Variants in DNAH8 observed in about 807,000 individuals in gnomAD.
The protein encoded by DNAH8 is axonemal beta dynein heavy chain 8.
DNAH8 carries 382 observed loss-of-function variants against 562.1 expected under a neutral mutation model. The observed-to-expected ratio is 0.68, with a 90% CI of 0.63 to 0.74. DNAH8 has a LOEUF of 0.74. DNAH8 is among the 30% of genes least tolerant of loss of function. DNAH8 has a pLI of 0.00. For missense variants in DNAH8, 5,203 were observed against 5,620.4 expected (o/e 0.93, Z 2.37); for synonymous variants, 1,881 against 1,919.4 (o/e 0.98, Z 0.52).
chr6:38,935,584 A>T lies in DNAH8; in HGVS notation c.11458-8A>T, dbSNP rs766663860. The T allele has an allele frequency of 6.3e-7, 1 of 1,593,510 alleles. No individual in the cohort carries two copies. Among genetic ancestry groups the T allele is most frequent in the Admixed American group, 1.8e-5 (1 of 56,524 alleles). On this transcript the variant is annotated splice_polypyrimidine_tract_variant and splice_region_variant and intron_variant, in intron 76 of 92. Coordinates refer to ENST00000327475, the MANE Select transcript of DNAH8 (RefSeq NM_001206927.2). ...GTTCCAATGTTATTTTTTGTTTTTT[A>T]ATGACAGGAGTTAGAGGCTGAGAGG...
At chr6:38,995,070 T>C (rs1583531985) in intron 88 of DNAH8, among the ~76,000 whole-genome samples, 1 of 152,002 alleles carries the variant, frequency 6.6e-6, no homozygotes, top group Admixed American at 6.6e-5. Flanking sequence ...TTTTTTTTTT[T>C]TTCTGAGCTT....
chr6:38,844,211 A>G (rs935003671), intron 35 of DNAH8, among the ~76,000 whole-genome samples: 21 of 152,188 alleles, frequency 1.4e-4, no homozygotes, highest in African/African-American at 4.6e-4. Context: ...GCCTGGCCCC[A>G]GTGTCCAGGC....
At chr6:39,007,110 T>A (rs1263784174) in intron 88 of DNAH8, among the ~76,000 whole-genome samples, 1 of 152,224 alleles carries the variant, frequency 6.6e-6, no homozygotes, top group African/African-American at 2.4e-5. Flanking sequence ...AGTTCAGTGA[T>A]GTTTTTAAAA....
chr6:38,834,416 T>C (rs531476425), intron 31 of DNAH8, among the ~76,000 whole-genome samples, 163 bp from the exon 32 acceptor site: 9 of 152,198 alleles, frequency 5.9e-5, no homozygotes, highest in Admixed American at 6.5e-5. Flanking sequence ...TCCATCTCAA[T>C]AAAGCTGTTA....
At position 38,935,611 on chromosome 6, in the gene DNAH8, T is replaced by C. The variant is rs1583400275; in HGVS notation, c.11477T>C (p.Val3826Ala). Reference protein sequence around the residue: ...TEKQELEAERVKLLEDVTFNK... With the variant: ...TEKQELEAERAKLLEDVTFNK... ...TGACAGGAGTTAGAGGCTGAGAGGG[T>C]TAAACTTTTGGAGGATGTTACTTTT... Residue 3826 changes from valine (V) to alanine (A), a missense_variant, in exon 77 of 93, where the codon GTT (valine) becomes GCT (alanine). Val to Ala is a moderately conservative substitution (Grantham distance 64, BLOSUM62 0). Coordinates refer to ENST00000327475, the MANE Select transcript of DNAH8 (RefSeq NM_001206927.2). 3.1e-6 allele frequency: 5 copies of C among 1,612,856 alleles called. No homozygotes were observed. Among genetic ancestry groups the C allele is most frequent in the Non-Finnish European group, 4.2e-6 (5 of 1,179,570 alleles).
chr6:38,803,124 TCA>T, intron 21 of DNAH8, 53 bp from the exon 22 acceptor site: 1 of 1,290,262 alleles, frequency 7.8e-7, no homozygotes, highest in Non-Finnish European at 1.0e-6. Flanking sequence ...GGACTAATTT[TCA>T]CAGTGTTACT....
chr6:38,914,068 A>C, intron 67 of DNAH8, 116 bp downstream of exon 67: 1 of 727,226 alleles, frequency 1.4e-6, no homozygotes, highest in East Asian at 2.8e-5. Flanking sequence ...ATTCCTGATA[A>C]GATAGTGTTC....
chr6:38,716,614 T>C (rs1196955297), intron 1 of DNAH8: 1 of 152,220 alleles, frequency 6.6e-6, no homozygotes. Flanking sequence ...CACCTGTCAT[T>C]GACATTGACC....
rs182094434 is a variant in DNAH8 at position 38,723,943 on chromosome 6, G to A, written c.525+472G>A. Among the ~76,000 whole-genome samples, 57 of 151,668 alleles carry A rather than the reference G, an allele frequency of 3.8e-4. No homozygotes were observed. The East Asian group carries it at 0.01, about 28-fold the overall frequency. On this transcript the variant is annotated intron_variant, in intron 3 of 92. Coordinates refer to ENST00000327475, the MANE Select transcript of DNAH8 (RefSeq NM_001206927.2). ...AGAAGGTTTAGTTTATATAATTATA[G>A]CCAGTTGAATGGTATTTCTTTTTAA...
At chr6:38,799,686 C>T (rs917275777) in intron 21 of DNAH8, among the ~76,000 whole-genome samples, 14 of 152,116 alleles carry the variant, frequency 9.2e-5, no homozygotes, top group African/African-American at 3.4e-4. Flanking sequence ...CAGAGTTGCA[C>T]AACCATCACT....
At position 38,912,401 on chromosome 6, in the gene DNAH8, G is replaced by A. The variant is rs139545741; in HGVS notation, c.9859+815G>A. ...GATCACTTGAGCCCTGGAGGTCAAG[G>A]CTGCAGTGAACTGAGATTGCACCAC... On this transcript the variant is annotated intron_variant, in intron 66 of 92. Transcript: ENST00000327475. Among the ~76,000 whole-genome samples the A allele has an allele frequency of 4.6e-5, 7 of 152,304 alleles. No homozygotes were observed. The East Asian group carries it at 1.4e-3, about 29-fold the overall frequency.
In DNAH8 at chr6:39,030,446, T is replaced by G. The variant is rs1176305787; in HGVS notation, c.*54T>G. 1.3e-6 allele frequency: 2 copies of G among 1,483,320 alleles called. No individual in the cohort carries two copies. The highest frequency in any genetic ancestry group is 1.9e-6 in the Non-Finnish European group (2 of 1,078,368). The allele number at this position is 1,483,320 out of a possible 1,614,324, so 91.9% of individuals were successfully genotyped here. A position where few individuals can be genotyped will look rare whatever the true frequency, so the allele number is the denominator to read the frequency against. On this transcript the variant is annotated 3_prime_UTR_variant, in exon 93 of 93. Transcript: ENST00000327475. ...AACCCACATAGACAGCCTGTGCTAT[T>G]GAGGGACTCAGTGATGTGTGTGTCT...
intron 15 of DNAH8, among the ~76,000 whole-genome samples, chr6:38,780,902 C>T (rs1010255060): frequency 4.6e-5 from 7 of 151,854 alleles, no homozygotes; most frequent in African/African-American, 1.7e-4. Flanking sequence ...TAGCAAAGCC[C>T]GTTTAAGTTA....
intron 42 of DNAH8, among the ~76,000 whole-genome samples, chr6:38,859,396 C>T (rs566509046): frequency 5.3e-5 from 8 of 152,240 alleles, no homozygotes; most frequent in African/African-American, 1.9e-4. Flanking sequence ...AAACAACAAA[C>T]AACAATAGCA....
At chr6:38,913,590 A>G (rs1781070454) in intron 66 of DNAH8, among the ~76,000 whole-genome samples, 1 of 152,224 alleles carries the variant, frequency 6.6e-6, no homozygotes. Flanking sequence ...CTTATTCAAT[A>G]GGACATTGTG....
intron 22 of DNAH8, among the ~76,000 whole-genome samples, chr6:38,804,468 C>G (rs1056904988): frequency 6.6e-6 from 1 of 152,114 alleles, no homozygotes; most frequent in Non-Finnish European, 1.5e-5. Context: ...CTGTCAGTCA[C>G]GATCCCTGTT....
chr6:38,986,360 C>A (rs1297127362), intron 87 of DNAH8, among the ~76,000 whole-genome samples: 1 of 152,044 alleles, frequency 6.6e-6, no homozygotes, highest in Non-Finnish European at 1.5e-5. Flanking sequence ...AAAGTGAGAT[C>A]TATAAAGGAA....
At chr6:38,945,026 C>T (rs894084617) in intron 79 of DNAH8, among the ~76,000 whole-genome samples, 1 of 152,050 alleles carries the variant, frequency 6.6e-6, no homozygotes, top group South Asian at 2.1e-4. Context: ...CCAACCCTAA[C>T]CCATCCATGT....
chr6:38,809,277 A>C (rs976596868), intron 24 of DNAH8, among the ~76,000 whole-genome samples: 2 of 152,076 alleles, frequency 1.3e-5, no homozygotes, highest in Non-Finnish European at 2.9e-5. Context: ...TTTTAAAAAT[A>C]TTCAAATTTA....
Sources: allele counts gnomAD v4.1 joint callset (sites outside exome capture counted in the v4.1 genomes callset), GRCh38; gene constraint gnomAD v4.1.1; transcripts MANE v1.5; gene names NCBI Gene and HGNC (gene_info 2026-07-23, HGNC 2026-07-21).